Variants in BBS9 observed in about 807,000 individuals in gnomAD.
BBS9 encodes Bardet-Biedl syndrome 9.
Under a neutral mutation model 117.7 loss-of-function variants are expected in BBS9, and 89 were observed. The ratio of observed to expected loss-of-function variants is 0.76; its 90% CI spans 0.64 to 0.90. The LOEUF (loss-of-function observed/expected upper bound fraction) is 0.90. BBS9 is among the 40% of genes least tolerant of loss of function. BBS9 has a pLI of 0.00. For missense variants in BBS9, 982 were observed against 1,042.2 expected, an observed-to-expected ratio of 0.94 and a Z score of 0.80; for synonymous variants, 379 against 370.9, an observed-to-expected ratio of 1.02 and a Z score of -0.25.
At chr7:33,232,661 A>G (rs910974713) in intron 5 of BBS9, among the ~76,000 whole-genome samples, 4 of 152,164 alleles carry the variant, frequency 2.6e-5, no homozygotes, top group Non-Finnish European at 5.9e-5. Flanking sequence ...TGAATTATCC[A>G]TTTGTGAGAT....
intron 20 of BBS9, among the ~76,000 whole-genome samples, chr7:33,513,279 G>T (rs1476687228): frequency 6.6e-6 from 1 of 152,088 alleles, no homozygotes; most frequent in African/African-American, 2.4e-5. Context: ...GTAAATCAAT[G>T]TTCATTTCCT....
chr7:33,152,987 A>C, intron 3 of BBS9, 136 bp downstream of exon 3: 555 of 934,346 alleles, frequency 5.9e-4, no homozygotes, highest in Non-Finnish European at 7.8e-4. Context: ...GGGGTTTCTC[A>C]CGTATGGAAT....
rs1850679129 is a variant in BBS9, at chr7:33,532,159, C to G, written c.2299-1795C>G. 2.0e-5 allele frequency among the ~76,000 whole-genome samples: 3 copies of G among 152,308 alleles called. No homozygotes were observed. The South Asian group carries it at 6.2e-4, about 32-fold the overall frequency. On this transcript the variant is annotated intron_variant, in intron 20 of 22. Coordinates refer to ENST00000242067, the MANE Select transcript of BBS9 (RefSeq NM_198428.3). ...ACCCATCAACCCTTGGATGGCAATGCCTGAGCAAGTCATTAAATGGGAGTT... is the reference window on the plus strand; with the variant it reads ...ACCCATCAACCCTTGGATGGCAATGGCTGAGCAAGTCATTAAATGGGAGTT...
chr7:33,388,859 A>G (rs1041985447), intron 19 of BBS9, among the ~76,000 whole-genome samples: 6 of 152,228 alleles, frequency 3.9e-5, no homozygotes, highest in African/African-American at 7.2e-5. Flanking sequence ...TTGAATGACT[A>G]TATTGTGTAT....
intron 14 of BBS9, among the ~76,000 whole-genome samples, chr7:33,352,544 T>G (rs1182498438): frequency 6.6e-6 from 1 of 152,174 alleles, no homozygotes; most frequent in Non-Finnish European, 1.5e-5. Flanking sequence ...CTTTATTGAG[T>G]CTTTTTTGCT....
chr7:33,493,785 C>T (rs1844349167), intron 19 of BBS9, among the ~76,000 whole-genome samples: 1 of 152,184 alleles, frequency 6.6e-6, no homozygotes, highest in South Asian at 2.1e-4. Flanking sequence ...CCTTGGACCC[C>T]ATCCCATGAG....
chr7:33,439,287 A>AT (rs1417255783), intron 19 of BBS9, among the ~76,000 whole-genome samples: 1 of 152,038 alleles, frequency 6.6e-6, no homozygotes, highest in African/African-American at 2.4e-5. Context: ...GGGTATTGTG[A>AT]TTTTTTAGTG....
rs140477101 is a variant in BBS9 at position 33,561,897 on chromosome 7, T to C, written c.2521+27721T>C. ...ATTTTCCACTGATGGCTATGTACTT[T>C]ATGTTATTGATTCAAAGATATTACA... On this transcript the variant is annotated intron_variant, in intron 21 of 22. Transcript: ENST00000242067. Among the ~76,000 whole-genome samples the C allele has an allele frequency of 1.5e-3, 234 of 152,338 alleles. 1 individual carries two copies. Among genetic ancestry groups the C allele is most frequent in the African/African-American group, 5.5e-3 (227 of 41,582 alleles).
intron 11 of BBS9, among the ~76,000 whole-genome samples, chr7:33,341,602 T>A (rs575740988): frequency 3.3e-5 from 5 of 150,280 alleles, no homozygotes; most frequent in Admixed American, 1.3e-4. Flanking sequence ...ATTGTCATTA[T>A]CATCAAATTA....
intron 9 of BBS9, among the ~76,000 whole-genome samples, chr7:33,329,873 A>AT (rs1002914694): frequency 5.9e-5 from 9 of 151,700 alleles, no homozygotes; most frequent in Non-Finnish European, 1.3e-4. Flanking sequence ...GATTTTGAAA[A>AT]TTTTTCCATT....
intron 11 of BBS9, among the ~76,000 whole-genome samples, chr7:33,343,363 A>G (rs542660268): frequency 1.3e-5 from 2 of 152,312 alleles, no homozygotes; most frequent in East Asian, 1.9e-4. Context: ...TTTATGTATT[A>G]TATTATACTA....
intron 19 of BBS9, 81 bp from the exon 20 acceptor site, chr7:33,505,382 A>C: frequency 7.0e-7 from 1 of 1,421,906 alleles, no homozygotes; most frequent in Non-Finnish European, 9.9e-7. Flanking sequence ...CTTGAAGAAA[A>C]ACAAAAGTGT....
At chr7:33,547,616 C>T (rs760757059) in intron 21 of BBS9, among the ~76,000 whole-genome samples, 7 of 152,004 alleles carry the variant, frequency 4.6e-5, no homozygotes, top group Non-Finnish European at 8.8e-5. Context: ...TTTGACAGAG[C>T]GAGAGGGGTA....
At position 33,474,265 on chromosome 7, in the gene BBS9, T is replaced by C. The variant is rs192028254; in HGVS notation, c.2116-31198T>C. On this transcript the variant is annotated intron_variant, in intron 19 of 22. Coordinates refer to ENST00000242067, the MANE Select transcript of BBS9 (RefSeq NM_198428.3). ...AAATTTAATTTGCTTCAAACCAGAA[T>C]TGTTTTACTTTAACATTTGTATGGA... 2.6e-5 allele frequency among the ~76,000 whole-genome samples: 4 copies of C among 152,332 alleles called. No individual in the cohort carries two copies. In the East Asian group the frequency reaches 5.8e-4, roughly 22 times the overall value.
chr7:33,435,062 T>C (rs1835096808), intron 19 of BBS9, among the ~76,000 whole-genome samples: 1 of 152,160 alleles, frequency 6.6e-6, no homozygotes, highest in South Asian at 2.1e-4. Context: ...CTGCCCAATT[T>C]GCCTGAAATA....
chr7:33,358,907 T>G (rs1371469503), intron 16 of BBS9, among the ~76,000 whole-genome samples: 1 of 151,916 alleles, frequency 6.6e-6, no homozygotes, highest in Non-Finnish European at 1.5e-5. Flanking sequence ...AAAATTTATT[T>G]TTTATTAATT....
At chr7:33,490,088 A>G (rs1157167454) in intron 19 of BBS9, among the ~76,000 whole-genome samples, 1 of 152,230 alleles carries the variant, frequency 6.6e-6, no homozygotes, top group African/African-American at 2.4e-5. Context: ...TGAACTAGAA[A>G]GTGAGTTATT....
intron 9 of BBS9, among the ~76,000 whole-genome samples, chr7:33,297,198 C>G (rs1805452172): frequency 6.6e-6 from 1 of 152,080 alleles, no homozygotes; most frequent in African/African-American, 2.4e-5. Context: ...TAGTGGATAT[C>G]TCAGATGGTT....
intron 19 of BBS9, among the ~76,000 whole-genome samples, chr7:33,436,587 T>G (rs1038331861): frequency 6.6e-6 from 1 of 152,224 alleles, no homozygotes; most frequent in Non-Finnish European, 1.5e-5. Context: ...TTTGTTGAAA[T>G]TATTTAAAAT....
Sources: allele counts gnomAD v4.1 joint callset (sites outside exome capture counted in the v4.1 genomes callset), GRCh38; gene constraint gnomAD v4.1.1; transcripts MANE v1.5; gene names NCBI Gene and HGNC (gene_info 2026-07-23, HGNC 2026-07-21).